ACVR1C: variants seen among roughly 807,000 people sequenced by gnomAD.
ACVR1C encodes activin receptor type-1C.
ACVR1C carries 23 observed loss-of-function variants against 57.9 expected under a neutral mutation model. That is an observed-to-expected ratio of 0.40 (90% confidence interval 0.29 to 0.56). The LOEUF is 0.56. Among genes scored for constraint, ACVR1C ranks in the 20% least tolerant of loss-of-function variants. The pLI, the probability that ACVR1C is intolerant of heterozygous loss-of-function variation, is 0.50. For missense variants in ACVR1C, 480 were observed against 607.9 expected (o/e 0.79, Z 2.21); for synonymous variants, 214 against 215.3 (o/e 0.99, Z 0.05).
chr2:157,555,559 T>C (rs1688080382), intron 3 of ACVR1C, among the ~76,000 whole-genome samples: 1 of 152,194 alleles, frequency 6.6e-6, no homozygotes, highest in Admixed American at 6.5e-5. Flanking sequence ...TTTAAGAACA[T>C]ATTCTTGATT....
intron 1 of ACVR1C, among the ~76,000 whole-genome samples, chr2:157,611,543 G>A (rs1682533419): frequency 6.6e-6 from 1 of 151,698 alleles, no homozygotes; most frequent in Non-Finnish European, 1.5e-5. Context: ...GGGTGGGTGG[G>A]TTCTTGGGCC....
At chr2:157,567,963 A>C (rs1688436400) in intron 2 of ACVR1C, among the ~76,000 whole-genome samples, 2 of 112,932 alleles carry the variant, frequency 1.8e-5, no homozygotes, top group African/African-American at 3.2e-5. Flanking sequence ...GGGCAGCCAG[A>C]GAGAAAGGTC....
intron 1 of ACVR1C, among the ~76,000 whole-genome samples, chr2:157,589,678 T>C (rs892530617): frequency 6.6e-6 from 1 of 151,914 alleles, no homozygotes; most frequent in Non-Finnish European, 1.5e-5. Context: ...AAAAATATCC[T>C]AAAATTTTTA....
intron 2 of ACVR1C, among the ~76,000 whole-genome samples, chr2:157,584,843 GGAT>G (rs1435788687): frequency 6.6e-6 from 1 of 152,168 alleles, no homozygotes; most frequent in Non-Finnish European, 1.5e-5. Context: ...GCACGTCAAT[GGAT>G]GAATGGATTT....
intron 8 of ACVR1C, 111 bp downstream of exon 8, chr2:157,538,462 A>G: frequency 9.6e-7 from 1 of 1,039,398 alleles, no homozygotes; most frequent in East Asian, 2.9e-5. Context: ...AAAAAGACGT[A>G]TGTCTACATA....
intron 1 of ACVR1C, 144 bp downstream of exon 1, chr2:157,628,428 C>T: frequency 1.1e-6 from 1 of 951,144 alleles, no homozygotes; most frequent in Non-Finnish European, 1.6e-6. Flanking sequence ...TATCCCGCGC[C>T]CCCTCAATCC....
chr2:157,586,695 G>A (rs1017879826), intron 2 of ACVR1C, among the ~76,000 whole-genome samples: 5 of 151,912 alleles, frequency 3.3e-5, no homozygotes, highest in Non-Finnish European at 7.4e-5. Context: ...ATCTCTCTGG[G>A]GTGTGCTCTC....
chr2:157,565,136 T>TAA (rs199614456), intron 2 of ACVR1C, among the ~76,000 whole-genome samples: 1 of 150,524 alleles, frequency 6.6e-6, no homozygotes, highest in Non-Finnish European at 1.5e-5. Flanking sequence ...CTTTTAAAAA[T>TAA]AAAAAAAAAG....
At chr2:157,597,326 G>A (rs1682151167) in intron 1 of ACVR1C, 2 of 985,512 alleles carry the variant, frequency 2.0e-6, no homozygotes, top group Non-Finnish European at 2.4e-6. Flanking sequence ...AAGGACCTTG[G>A]CACCCCGGCC....
chr2:157,566,887 C>G (rs1391681969), intron 2 of ACVR1C, among the ~76,000 whole-genome samples: 3 of 151,588 alleles, frequency 2.0e-5, no homozygotes, highest in Non-Finnish European at 4.4e-5. Flanking sequence ...GCCTGCCTGC[C>G]TCTGTAGGCT....
At chr2:157,575,191 C>T (rs1335963745) in intron 2 of ACVR1C, among the ~76,000 whole-genome samples, 1 of 148,554 alleles carries the variant, frequency 6.7e-6, no homozygotes, top group Admixed American at 6.7e-5. Flanking sequence ...AGCAATGGTG[C>T]GATCTCGCCT....
At chr2:157,574,063 C>A (rs1289274329) in intron 2 of ACVR1C, among the ~76,000 whole-genome samples, 1 of 152,196 alleles carries the variant, frequency 6.6e-6, no homozygotes, top group Admixed American at 6.5e-5. Flanking sequence ...CTTCGGCCAA[C>A]TGATAGCATG....
intron 2 of ACVR1C, among the ~76,000 whole-genome samples, chr2:157,560,710 C>T (rs1688213880): frequency 6.6e-6 from 1 of 152,148 alleles, no homozygotes; most frequent in African/African-American, 2.4e-5. Context: ...GCCAGACAAA[C>T]CCTGCCTTTG....
chr2:157,598,915 T>C (rs1026623533), intron 1 of ACVR1C, among the ~76,000 whole-genome samples: 3 of 152,130 alleles, frequency 2.0e-5, no homozygotes, highest in Non-Finnish European at 4.4e-5. Context: ...GTCCAAGCTG[T>C]TATTATTCCA....
At position 157,533,621 on chromosome 2, in the gene ACVR1C, A is replaced by C. The variant is rs1311027749; in HGVS notation, c.*297T>G. On this transcript the variant is annotated 3_prime_UTR_variant, in exon 9 of 9. Transcript: ENST00000243349. ...GTAAAATAAAAACTTAATGACTATA[A>C]CATTTTTATAGAGCTTATTTTATAC... 5.7e-6 allele frequency: 1 copy of C among 174,018 alleles called. No individual in the cohort carries two copies. The highest frequency in any genetic ancestry group is 2.4e-5 in the African/African-American group (1 of 42,258). 10.8% of individuals were successfully genotyped at this position (174,018 alleles called of 1,614,324 possible).
At chr2:157,547,279 T>C (rs62176677) in intron 4 of ACVR1C, among the ~76,000 whole-genome samples, 55,700 of 88,968 alleles carry the variant, frequency 0.63, 18,839 homozygotes, top group East Asian at 0.88. Flanking sequence ...AATAAACACA[T>C]GTGTGCATGT....
rs1687287651 is a variant in ACVR1C at position 157,528,639 on chromosome 2, C to G, written c.*5279G>C. ...AGCAAAACAAAGCAATGGTATGGAA[C>G]AGCAGAAATAAATTTAACAATCACA... On this transcript the variant is annotated 3_prime_UTR_variant, in exon 9 of 9. Coordinates refer to ENST00000243349, the MANE Select transcript of ACVR1C (RefSeq NM_145259.3). 6.6e-6 allele frequency: 1 copy of G among 152,046 alleles called. No homozygotes were observed. The highest frequency in any genetic ancestry group is 2.4e-5 in the African/African-American group (1 of 41,408). The allele number at this position is 152,046 out of a possible 1,614,324, so 9.4% of individuals were successfully genotyped here.
In ACVR1C at chr2:157,531,759, T is replaced by C. The variant is rs562894218; in HGVS notation, c.*2159A>G. 2.0e-4 allele frequency: 30 copies of C among 152,256 alleles called. No homozygotes were observed. Among genetic ancestry groups the C allele is most frequent in the Middle Eastern group, 3.4e-3 (1 of 294 alleles). 9.4% of individuals were successfully genotyped at this position (152,256 alleles called of 1,614,324 possible). On this transcript the variant is annotated 3_prime_UTR_variant, in exon 9 of 9. Coordinates refer to ENST00000243349, the MANE Select transcript of ACVR1C (RefSeq NM_145259.3). ...TTTAAAAACTGATGATATATTTAGA[T>C]TGTCTGTAATATCCAAATAAAGCTA...
At chr2:157,587,718 C>G (rs1688958884) in intron 1 of ACVR1C, among the ~76,000 whole-genome samples, 1 of 152,108 alleles carries the variant, frequency 6.6e-6, no homozygotes, top group Non-Finnish European at 1.5e-5. Context: ...CAGCTCATTC[C>G]TAAATCAATA....
Sources: gnomAD v4.1 joint callset for allele counts (sites outside exome capture counted in the v4.1 genomes callset) on GRCh38, gnomAD v4.1.1 for gene constraint, MANE v1.5 for transcripts, NCBI Gene and HGNC (gene_info 2026-07-23, HGNC 2026-07-21) for gene names.